Variants in AGBL4 observed in about 807,000 individuals in gnomAD.
AGBL4 encodes cytosolic carboxypeptidase 6.
A neutral mutation model predicts 66.4 loss-of-function variants in AGBL4; 58 were observed. The observed-to-expected ratio is 0.87, with a 90% CI of 0.71 to 1.09. The LOEUF (loss-of-function observed/expected upper bound fraction) is 1.09, where lower values mean the gene tolerates loss of function less well. Ranked by LOEUF, AGBL4 falls within the 50% of genes least tolerant of loss-of-function variation. The pLI is 0.00. For missense variants in AGBL4, 579 were observed against 631.0 expected (o/e 0.92, Z 0.88); for synonymous variants, 234 against 222.9 (o/e 1.05, Z -0.44).
At chr1:48,548,148 A>C (rs1644194066) in intron 11 of AGBL4, among the ~76,000 whole-genome samples, 1 of 152,174 alleles carries the variant, frequency 6.6e-6, no homozygotes, top group Non-Finnish European at 1.5e-5. Context: ...CTGTAGACCT[A>C]ATAATACATG....
At chr1:49,015,576 C>T (rs1004193131) in intron 5 of AGBL4, among the ~76,000 whole-genome samples, 3 of 151,834 alleles carry the variant, frequency 2.0e-5, no homozygotes, top group Non-Finnish European at 4.4e-5. Flanking sequence ...GCGCCCGCCA[C>T]CACGCCTGGC....
intron 1 of AGBL4, among the ~76,000 whole-genome samples, chr1:49,911,817 G>A (rs1194683416): frequency 1.3e-5 from 2 of 152,156 alleles, no homozygotes; most frequent in Non-Finnish European, 2.9e-5. Flanking sequence ...ACACACAATA[G>A]TGCACTGGTG....
chr1:48,548,658 C>A lies in AGBL4; in HGVS notation c.1268-8920G>T, dbSNP rs186521824. ...TGAAGCTTTCTCCATACTTCTCACT[C>A]CCTGCAGCTCTTCTAGAACCCTCAG... On this transcript the variant is annotated intron_variant, in intron 11 of 13. Coordinates refer to ENST00000371839, the MANE Select transcript of AGBL4 (RefSeq NM_032785.4). 5.7e-3 allele frequency among the ~76,000 whole-genome samples: 865 copies of A among 152,296 alleles called. 6 individuals are homozygous for A. The highest frequency in any genetic ancestry group is 0.019 in the African/African-American group (802 of 41,566).
chr1:49,929,467 T>G (rs1435039905), intron 1 of AGBL4, among the ~76,000 whole-genome samples: 1 of 152,042 alleles, frequency 6.6e-6, no homozygotes, highest in Non-Finnish European at 1.5e-5. Flanking sequence ...AAATAAAAAC[T>G]AGAATTATTT....
At chr1:49,714,114 T>C (rs924692515) in intron 2 of AGBL4, among the ~76,000 whole-genome samples, 11 of 152,090 alleles carry the variant, frequency 7.2e-5, no homozygotes, top group African/African-American at 2.7e-4. Flanking sequence ...ACTGAAATAC[T>C]GAGAGATTAA....
chr1:49,378,866 G>C (rs1644528724), intron 3 of AGBL4, among the ~76,000 whole-genome samples: 1 of 152,072 alleles, frequency 6.6e-6, no homozygotes, highest in African/African-American at 2.4e-5. Flanking sequence ...CATTGGCTGG[G>C]AGTAGCCCGA....
intron 1 of AGBL4, among the ~76,000 whole-genome samples, chr1:49,884,372 A>G (rs1366243408): frequency 6.6e-6 from 1 of 151,924 alleles, no homozygotes; most frequent in Non-Finnish European, 1.5e-5. Context: ...TATTATTATT[A>G]GTCATCATCC....
intron 5 of AGBL4, among the ~76,000 whole-genome samples, chr1:48,957,179 T>C (rs1333353577): frequency 6.6e-6 from 1 of 152,204 alleles, no homozygotes; most frequent in African/African-American, 2.4e-5. Flanking sequence ...CATATATATG[T>C]ACCTATAAGC....
At chr1:49,209,816 A>G (rs1029855365) in intron 4 of AGBL4, among the ~76,000 whole-genome samples, 2 of 152,120 alleles carry the variant, frequency 1.3e-5, no homozygotes, top group Non-Finnish European at 2.9e-5. Flanking sequence ...AGCTCATACT[A>G]ACACTAGATG....
At chr1:49,296,371 A>G (rs1440711713) in intron 3 of AGBL4, among the ~76,000 whole-genome samples, 1 of 152,212 alleles carries the variant, frequency 6.6e-6, no homozygotes, top group Non-Finnish European at 1.5e-5. Flanking sequence ...CAAATTGTGC[A>G]GTTGAGCTCA....
intron 1 of AGBL4, among the ~76,000 whole-genome samples, chr1:49,971,556 T>C (rs1418632873): frequency 6.6e-6 from 1 of 152,104 alleles, no homozygotes; most frequent in East Asian, 1.9e-4. Context: ...GTGAGGTCAC[T>C]AAGAATTGCG....
intron 6 of AGBL4, among the ~76,000 whole-genome samples, chr1:48,718,786 G>C (rs1253741765): frequency 6.6e-6 from 1 of 152,112 alleles, no homozygotes; most frequent in African/African-American, 2.4e-5. Context: ...CTGTATAACT[G>C]AGGCTCATAG....
chr1:49,436,087 A>G (rs1645896909), intron 3 of AGBL4, among the ~76,000 whole-genome samples: 1 of 152,228 alleles, frequency 6.6e-6, no homozygotes, highest in South Asian at 2.1e-4. Context: ...TGAGCTGAAC[A>G]ATAAGGATCA....
At chr1:49,255,722 T>C (rs1307925626) in intron 3 of AGBL4, among the ~76,000 whole-genome samples, 3 of 152,164 alleles carry the variant, frequency 2.0e-5, no homozygotes, top group South Asian at 2.1e-4. Flanking sequence ...CATGTGTTCA[T>C]TGCAGCACTG....
rs142672540 is a variant in AGBL4 at position 48,570,450 on chromosome 1, G to A, written c.1267+16554C>T. Among the ~76,000 whole-genome samples, 1,013 of 152,324 alleles carry A rather than the reference G, an allele frequency of 6.7e-3. 9 individuals are homozygous for A. The highest frequency in any genetic ancestry group is 0.023 in the African/African-American group (941 of 41,572). On this transcript the variant is annotated intron_variant, in intron 11 of 13. Coordinates refer to ENST00000371839, the MANE Select transcript of AGBL4 (RefSeq NM_032785.4). ...AGTCTGGATGTGAGGACAGGAGGAA[G>A]AACAGTGCTGTGGAATCCTGGGGCT... is the stretch of plus-strand genomic sequence containing the variant.
intron 3 of AGBL4, among the ~76,000 whole-genome samples, chr1:49,460,882 C>T (rs570080325): frequency 6.6e-6 from 1 of 151,656 alleles, no homozygotes; most frequent in Non-Finnish European, 1.5e-5. Context: ...ATACAAAATT[C>T]TTGGCTAATA....
intron 3 of AGBL4, among the ~76,000 whole-genome samples, chr1:49,466,388 G>T (rs1004929090): frequency 6.6e-6 from 1 of 151,496 alleles, no homozygotes; most frequent in African/African-American, 2.4e-5. Flanking sequence ...AAAATCCAAC[G>T]GATCAAAATG....
intron 6 of AGBL4, among the ~76,000 whole-genome samples, chr1:48,844,524 A>T (rs146245245): frequency 3.3e-5 from 5 of 152,382 alleles, no homozygotes; most frequent in African/African-American, 1.2e-4. Context: ...TGCCCTGTTA[A>T]CAGGAAAGAC....
At chr1:48,632,415 G>A in intron 9 of AGBL4, among the ~76,000 whole-genome samples, 1 of 152,150 alleles carries the variant, frequency 6.6e-6, no homozygotes, top group East Asian at 1.9e-4. Context: ...AATAATTAAT[G>A]ACAGCAATGG....
Sources: gnomAD v4.1 joint callset for allele counts (sites outside exome capture counted in the v4.1 genomes callset) on GRCh38, gnomAD v4.1.1 for gene constraint, MANE v1.5 for transcripts, NCBI Gene and HGNC (gene_info 2026-07-23, HGNC 2026-07-21) for gene names.